SMG6: variants seen among roughly 807,000 people sequenced by gnomAD.
The protein encoded by SMG6 is SMG6 nonsense mediated mRNA decay factor.
SMG6 carries 66 observed loss-of-function variants against 142.2 expected under a neutral mutation model. The ratio of observed to expected loss-of-function variants is 0.46; its 90% CI spans 0.38 to 0.57. The LOEUF (loss-of-function observed/expected upper bound fraction) is 0.57, where lower values mean the gene tolerates loss of function less well. Among genes scored for constraint, SMG6 ranks in the 20% least tolerant of loss-of-function variants. The probability of loss-of-function intolerance (pLI) is 0.00; values close to 1 mark genes in which losing one functional copy is unlikely to be tolerated. For synonymous variants in SMG6, 779 were observed against 702.4 expected (o/e 1.11, Z -1.72); for missense variants, 1,793 against 1,832.0 (o/e 0.98, Z 0.39).
intron 10 of SMG6, among the ~76,000 whole-genome samples, chr17:2,192,063 G>A (rs544623947): frequency 2.6e-5 from 4 of 152,254 alleles, no homozygotes; most frequent in Non-Finnish European, 5.9e-5. Context: ...CGACGGTGCT[G>A]CCAAAGCAAA....
chr17:2,222,233 T>C (rs1171919457), intron 10 of SMG6, among the ~76,000 whole-genome samples: 1 of 151,874 alleles, frequency 6.6e-6, no homozygotes, highest in African/African-American at 2.4e-5. Context: ...ATCTAGTATT[T>C]AGAAAATAAA....
At chr17:2,061,785 G>A (rs2067788709) in intron 18 of SMG6, 163 bp from the exon 19 acceptor site, 2 of 796,420 alleles carry the variant, frequency 2.5e-6, no homozygotes, top group East Asian at 2.8e-5. Context: ...CAGCCCCGGG[G>A]ACCCTCCCCT....
intron 8 of SMG6, among the ~76,000 whole-genome samples, chr17:2,256,333 G>T (rs1250230780): frequency 2.0e-5 from 3 of 152,142 alleles, no homozygotes; most frequent in African/African-American, 7.2e-5. Context: ...TGGAAACACA[G>T]AGGGAGGGAA....
intron 10 of SMG6, among the ~76,000 whole-genome samples, chr17:2,227,612 A>G (rs185282966): frequency 6.6e-6 from 1 of 152,154 alleles, no homozygotes; most frequent in Non-Finnish European, 1.5e-5. Flanking sequence ...GCACAAAGAG[A>G]ACTTCTGGGG....
At chr17:2,122,515 A>G (rs1020676319) in intron 13 of SMG6, 2 of 152,244 alleles carry the variant, frequency 1.3e-5, no homozygotes, top group Non-Finnish European at 2.9e-5. Context: ...GATCGCATAT[A>G]AATCCCCAAA....
At chr17:2,203,909 G>A (rs1255314988) in intron 10 of SMG6, among the ~76,000 whole-genome samples, 1 of 152,204 alleles carries the variant, frequency 6.6e-6, no homozygotes, top group Admixed American at 6.5e-5. Flanking sequence ...GGGCAGGGAA[G>A]TGTTCTGCTT....
chr17:2,173,029 C>T, intron 12 of SMG6, 170 bp from the exon 13 acceptor site: 1 of 642,696 alleles, frequency 1.6e-6, no homozygotes, highest in Admixed American at 2.6e-5. Context: ...CCCAAGGCAG[C>T]AATCTGAGGT....
chr17:2,188,284 G>A lies in SMG6; in HGVS notation c.2986+115C>T, dbSNP rs1054806483. On this transcript the variant is annotated intron_variant, in intron 11 of 18. Transcript: ENST00000263073. The stretch of plus-strand genomic sequence containing the variant: ...AAAAGGAAGAGGGGCATGTAGGTAA[G>A]AGGAAGAATGGAGACTACAGGGAGA... 7.4e-6 allele frequency: 6 copies of A among 808,426 alleles called. No individual in the cohort carries two copies. In the African/African-American group the frequency reaches 1.0e-4, roughly 14 times the overall value. The allele number at this position is 808,426 out of a possible 1,614,324, so 50.1% of individuals were successfully genotyped here.
Position 2,186,786 on chromosome 17 carries a change from T to A in SMG6, c.3032A>T (p.Lys1011Met), listed in dbSNP as rs768399085. The A allele has an allele frequency of 1.2e-6, 2 of 1,614,214 alleles. No individual in the cohort carries two copies. The highest frequency in any genetic ancestry group is 1.7e-6 in the Non-Finnish European group (2 of 1,180,032). The change falls in exon 12 of 19, where the codon AAG becomes ATG. Residue 1011 changes from lysine (K) to methionine (M), a missense_variant. Transcript: ENST00000263073. ...CAGGTCCGGGACAAAGGAAGACACC[T>A]TGATGTCGTCTTGGTCATCCTGGTC... ...PEDQDDQDDI[K>M]VSSFVPDLKE... is the part of the protein sequence containing the mutation.
intron 8 of SMG6, among the ~76,000 whole-genome samples, chr17:2,272,807 G>A (rs1029038957): frequency 2.0e-5 from 3 of 151,940 alleles, no homozygotes; most frequent in African/African-American, 4.8e-5. Flanking sequence ...GTGTGGTGGT[G>A]GGCGCCTGTA....
chr17:2,116,115 G>C (rs112630820), intron 13 of SMG6, among the ~76,000 whole-genome samples: 8 of 152,196 alleles, frequency 5.3e-5, no homozygotes, highest in African/African-American at 1.7e-4. Flanking sequence ...GTGTTGCCCA[G>C]GCTAGAGTGC....
intron 13 of SMG6, among the ~76,000 whole-genome samples, chr17:2,155,127 A>T (rs1268364527): frequency 6.7e-6 from 1 of 150,172 alleles, no homozygotes; most frequent in East Asian, 1.9e-4. Context: ...ATCTCAGCTC[A>T]CTGCAACCTC....
intron 10 of SMG6, among the ~76,000 whole-genome samples, chr17:2,210,435 T>C (rs1327038214): frequency 6.6e-6 from 1 of 151,982 alleles, no homozygotes; most frequent in Non-Finnish European, 1.5e-5. Context: ...GATGAGTCAA[T>C]TTTGAATAAA....
At position 2,136,956 on chromosome 17, in the gene SMG6, A is replaced by T. The variant is rs968690549; in HGVS notation, c.3357+35702T>A. Reference sequence around the variant, plus strand: ...GGAGAATTGCTTGAGCCAGGAGTTCAAGAACAGGCTGGGCAACATGGTGAG... The same window carrying T: ...GGAGAATTGCTTGAGCCAGGAGTTCTAGAACAGGCTGGGCAACATGGTGAG... On this transcript the variant is annotated intron_variant, in intron 13 of 18. Coordinates refer to ENST00000263073, the MANE Select transcript of SMG6 (RefSeq NM_017575.5). Among the ~76,000 whole-genome samples, 3 of 152,094 alleles carry T rather than the reference A, an allele frequency of 2.0e-5. No individual in the cohort carries two copies. The East Asian group carries it at 5.8e-4, about 29-fold the overall frequency.
Position 2,066,652 on chromosome 17 carries a change from T to TACACACACACACACACACACACAC in SMG6, c.3836-997_3836-974dup, listed in dbSNP as rs1161956483. On this transcript the variant is annotated intron_variant, in intron 16 of 18. Transcript: ENST00000263073. ...TTTCTGGAAAGGGCCCATGTGGGAA[T>TACACACACACACACACACACACAC]ACACACACACACACACACACACACA... Among the ~76,000 whole-genome samples the TACACACACACACACACACACACAC allele has an allele frequency of 1.3e-3, 161 of 119,582 alleles. 4 individuals carry two copies. The highest frequency in any genetic ancestry group is 2.0e-3 in the Non-Finnish European group (119 of 58,584). 78.5% of individuals were successfully genotyped at this position (119,582 alleles called of 152,430 possible). A position where few individuals can be genotyped will look rare whatever the true frequency, so the allele number is the denominator to read the frequency against.
intron 10 of SMG6, among the ~76,000 whole-genome samples, chr17:2,228,337 T>C (rs1458367046): frequency 1.3e-5 from 2 of 152,190 alleles, no homozygotes; most frequent in East Asian, 3.9e-4. Flanking sequence ...CAAGCGATTC[T>C]CCTGCCTCAG....
intron 8 of SMG6, among the ~76,000 whole-genome samples, chr17:2,247,580 G>C (rs551319744): frequency 6.6e-6 from 1 of 152,292 alleles, no homozygotes; most frequent in Middle Eastern, 3.4e-3. Context: ...CTGCGGTCAG[G>C]AGTTCAAGAC....
rs997020725 is a variant in SMG6 at position 2,292,886 on chromosome 17, T to C, written c.2243A>G (p.Tyr748Cys). The change falls in exon 5 of 19, where the codon TAT becomes TGT. Residue 748 changes from tyrosine to cysteine, a missense_variant. Around this residue, in one of 3 missense-constraint regions of SMG6, gnomAD observed 1,597 missense variants for 1,584.6 expected, o/e 1.01. Coordinates refer to ENST00000263073, the MANE Select transcript of SMG6 (RefSeq NM_017575.5). ...YREQASDTANYGKARSWYLKA... is the reference protein window; with the variant it reads ...YREQASDTANCGKARSWYLKA... ...GTAAAAGTACCTGCGTGCTTTCCCA[T>C]AATTCGCTGTATCACTGGCTTGCTC... 1.2e-6 allele frequency: 2 copies of C among 1,613,884 alleles called. No individual in the cohort carries two copies. Among genetic ancestry groups the C allele is most frequent in the African/African-American group, 1.3e-5 (1 of 74,920 alleles).
At chr17:2,173,574 G>A (rs2071570142) in intron 12 of SMG6, among the ~76,000 whole-genome samples, 1 of 152,130 alleles carries the variant, frequency 6.6e-6, no homozygotes, top group Admixed American at 6.6e-5. Flanking sequence ...CGGTTTGTGT[G>A]GGACTGTCCC....
Sources: gnomAD v4.1 joint callset for allele counts (sites outside exome capture counted in the v4.1 genomes callset) on GRCh38, gnomAD v4.1.1 for gene constraint, gnomAD v4.1.1 regional missense constraint, MANE v1.5 for transcripts, NCBI Gene and HGNC (gene_info 2026-07-23, HGNC 2026-07-21) for gene names.